The following SWAP70 variants were observed in gnomAD, a reference collection of about 807,000 sequenced individuals.
The protein encoded by SWAP70 is switching B cell complex subunit SWAP70.
Under a neutral mutation model 80.2 loss-of-function variants are expected in SWAP70, and 34 were observed. The ratio of observed to expected loss-of-function variants is 0.42; its 90% CI spans 0.32 to 0.56. The LOEUF (loss-of-function observed/expected upper bound fraction) is 0.56. SWAP70 is among the 20% of genes least tolerant of loss of function. The pLI is 0.09. For synonymous variants in SWAP70, 239 were observed against 238.5 expected (o/e 1.00, Z -0.02); for missense variants, 578 against 690.7 (o/e 0.84, Z 1.83).
At position 9,678,229 on chromosome 11, in the gene SWAP70, G is replaced by GA. The variant is rs1850524566; in HGVS notation, c.99+13952dup. ...AATCAATTTTTAAAATGGGGTTGGG[G>GA]ATCAGAGTCTTGAGTGAGCCTATTA... On this transcript the variant is annotated intron_variant, in intron 1 of 11. Coordinates refer to ENST00000318950, the MANE Select transcript of SWAP70 (RefSeq NM_015055.4). 2.0e-5 allele frequency among the ~76,000 whole-genome samples: 3 copies of GA among 152,290 alleles called. No homozygotes were observed. In the South Asian group the frequency reaches 6.2e-4, roughly 32 times the overall value.
chr11:9,665,828 A>C (rs1850300684), intron 1 of SWAP70, among the ~76,000 whole-genome samples: 1 of 151,922 alleles, frequency 6.6e-6, no homozygotes, highest in Non-Finnish European at 1.5e-5. Flanking sequence ...TCTACATTTT[A>C]CTTTTATTTT....
At chr11:9,686,403 A>G (rs1850633444) in intron 1 of SWAP70, among the ~76,000 whole-genome samples, 1 of 134,480 alleles carries the variant, frequency 7.4e-6, no homozygotes, top group African/African-American at 2.7e-5. Flanking sequence ...CTCAGTTGCC[A>G]GAGCTGGAGT....
At position 9,694,242 on chromosome 11, in the gene SWAP70, A is replaced by C; in HGVS notation, c.196A>C (p.Asn66His). 1 of 1,613,262 alleles carries C rather than the reference A, an allele frequency of 6.2e-7. No individual in the cohort carries two copies. Among genetic ancestry groups the C allele is most frequent in the Non-Finnish European group, 8.5e-7 (1 of 1,179,630 alleles). ...GGATGATGATGAGGGTCCAGTGTCCAACCAGGGCTACATGCCTTATTTAAA... is the reference window on the plus strand; with the variant it reads ...GGATGATGATGAGGGTCCAGTGTCCCACCAGGGCTACATGCCTTATTTAAA... The part of the protein sequence containing the change: ...FRDDDEGPVS[N>H]QGYMPYLNRF... The change falls in exon 2 of 12, where the codon AAC (asparagine) becomes CAC (histidine). Residue 66 changes from asparagine to histidine, a missense_variant. Asn to His is a moderately conservative substitution (Grantham distance 68, BLOSUM62 1). Coordinates refer to ENST00000318950, the MANE Select transcript of SWAP70 (RefSeq NM_015055.4).
intron 3 of SWAP70, among the ~76,000 whole-genome samples, chr11:9,722,589 G>A (rs1315836059): frequency 2.0e-5 from 3 of 152,162 alleles, no homozygotes; most frequent in Non-Finnish European, 4.4e-5. Context: ...CGACGTCACT[G>A]GTCCGCATGC....
rs750904847 is a variant in SWAP70, at chr11:9,747,924, C to T, written c.1422C>T (p.Ala474=). The T allele has an allele frequency of 2.5e-6, 4 of 1,614,040 alleles. No homozygotes were observed. The highest frequency in any genetic ancestry group is 1.3e-5 in the African/African-American group (1 of 74,912). Residue 474 remains alanine (A), a synonymous_variant, in exon 10 of 12, where the codon GCC becomes GCT. Transcript: ENST00000318950. ...LEKWHLEQQQ[A]IQTTEAEKQE... ...AGTGGCACTTGGAGCAGCAGCAGGC[C>T]ATTCAGACAACCGAGGCGGAGAAGC...
intron 1 of SWAP70, among the ~76,000 whole-genome samples, chr11:9,667,233 T>C (rs112103437): frequency 0.042 from 983 of 23,274 alleles, 14 homozygotes; most frequent in Admixed American, 0.068. Context: ...TTCACACTTC[T>C]GTGTGTGTGT....
chr11:9,682,550 G>T (rs1454983065), intron 1 of SWAP70, among the ~76,000 whole-genome samples: 2 of 152,086 alleles, frequency 1.3e-5, no homozygotes, highest in Non-Finnish European at 2.9e-5. Context: ...GAATAGAGAT[G>T]ACTTAAGGTT....
intron 3 of SWAP70, among the ~76,000 whole-genome samples, chr11:9,724,052 G>A (rs1234401818): frequency 6.6e-6 from 1 of 152,166 alleles, no homozygotes; most frequent in Non-Finnish European, 1.5e-5. Context: ...GGGATTATAG[G>A]CATGAGCCAC....
chr11:9,697,748 A>C (rs1194621555), intron 2 of SWAP70, among the ~76,000 whole-genome samples: 1 of 152,184 alleles, frequency 6.6e-6, no homozygotes, highest in Non-Finnish European at 1.5e-5. Flanking sequence ...ATGCACGCCT[A>C]TGTATATGTG....
rs1850481051 is a variant in SWAP70, at chr11:9,675,372, A to AGG, written c.99+11095_99+11096insGG. ...GAGAGAGAGAGAGAGAGAGAGAGAG[A>AGG]GAGAGAGAGAGAGAGAGAGAGAGAG... On this transcript the variant is annotated intron_variant, in intron 1 of 11. Coordinates refer to ENST00000318950, the MANE Select transcript of SWAP70 (RefSeq NM_015055.4). Among the ~76,000 whole-genome samples, 3 of 23,658 alleles carry AGG rather than the reference A, an allele frequency of 1.3e-4. 1 individual carries two copies. The highest frequency in any genetic ancestry group is 4.3e-4 in the Admixed American group (1 of 2,308). 15.5% of individuals were successfully genotyped at this position (23,658 alleles called of 152,430 possible). A position where few individuals can be genotyped will look rare whatever the true frequency, so the allele number is the denominator to read the frequency against.
intron 2 of SWAP70, among the ~76,000 whole-genome samples, chr11:9,709,248 C>T (rs1042463359): frequency 2.3e-4 from 35 of 152,140 alleles, no homozygotes; most frequent in African/African-American, 8.2e-4. Flanking sequence ...CCTCAGTCTC[C>T]CGAGTAGCTG....
intron 1 of SWAP70, among the ~76,000 whole-genome samples, chr11:9,675,989 C>T (rs1039269289): frequency 6.6e-6 from 1 of 152,158 alleles, no homozygotes; most frequent in Non-Finnish European, 1.5e-5. Context: ...GCTGAACTAA[C>T]CAGGAACACT....
chr11:9,740,049 G>A (rs1851415416), intron 8 of SWAP70, 132 bp from the exon 9 acceptor site: 1 of 713,286 alleles, frequency 1.4e-6, no homozygotes, highest in African/African-American at 1.8e-5. Context: ...TTAAGTTCAA[G>A]GATTGAAGGA....
chr11:9,732,812 G>T (rs1851317606), intron 7 of SWAP70, 102 bp downstream of exon 7: 2 of 1,105,266 alleles, frequency 1.8e-6, no homozygotes, highest in South Asian at 1.7e-5. Flanking sequence ...ATGTAGTGCA[G>T]TTTTAGGGAG....
intron 8 of SWAP70, among the ~76,000 whole-genome samples, 179 bp from the exon 9 acceptor site, chr11:9,740,002 A>G (rs891214823): frequency 6.6e-6 from 1 of 152,140 alleles, no homozygotes; most frequent in Non-Finnish European, 1.5e-5. Context: ...CTCTTTCACT[A>G]TTGCGATTGG....
intron 3 of SWAP70, among the ~76,000 whole-genome samples, chr11:9,716,509 T>G (rs1405040327): frequency 1.3e-5 from 2 of 152,228 alleles, no homozygotes; most frequent in African/African-American, 2.4e-5. Context: ...ACTCTCTCTG[T>G]TTGGGGTTCC....
chr11:9,708,302 A>T (rs1461564613), intron 2 of SWAP70, among the ~76,000 whole-genome samples: 1 of 152,046 alleles, frequency 6.6e-6, no homozygotes, highest in Non-Finnish European at 1.5e-5. Context: ...TAACAATAAC[A>T]CTTGTTATTT....
In SWAP70 at chr11:9,698,093, G is replaced by GTTTTTTT. The variant is rs201181416; in HGVS notation, c.240+3813_240+3814insTTTTTTT. On this transcript the variant is annotated intron_variant, in intron 2 of 11. Coordinates refer to ENST00000318950, the MANE Select transcript of SWAP70 (RefSeq NM_015055.4). ...GAGCCACCATGCCTGGCCAATACAT[G>GTTTTTTT]TTTTTTGTTTTTTTTTTTTTTTTTT... is the stretch of plus-strand genomic sequence containing the variant. Among the ~76,000 whole-genome samples, 8 of 109,580 alleles carry GTTTTTTT rather than the reference G, an allele frequency of 7.3e-5. 2 individuals are homozygous for GTTTTTTT. The highest frequency in any genetic ancestry group is 3.5e-4 in the South Asian group (1 of 2,898). The allele number at this position is 109,580 out of a possible 152,430, so 71.9% of individuals were successfully genotyped here. A position where few individuals can be genotyped will look rare whatever the true frequency, so the allele number is the denominator to read the frequency against.
In SWAP70 at chr11:9,703,329, A is replaced by G. The variant is rs185686561; in HGVS notation, c.240+9043A>G. 3.5e-5 allele frequency: 16 copies of G among 456,084 alleles called. No homozygotes were observed. The East Asian group carries it at 1.1e-3, about 32-fold the overall frequency. The allele number at this position is 456,084 out of a possible 1,614,324, so 28.3% of individuals were successfully genotyped here. A position where few individuals can be genotyped will look rare whatever the true frequency, so the allele number is the denominator to read the frequency against. On this transcript the variant is annotated intron_variant, in intron 2 of 11. Coordinates refer to ENST00000318950, the MANE Select transcript of SWAP70 (RefSeq NM_015055.4). ...CATGTTTTATTTACATATTCAGTTC[A>G]TCAGTTGTTGGACATGTGGGTTGTT...
Sources: gnomAD v4.1 joint callset for allele counts (sites outside exome capture counted in the v4.1 genomes callset) on GRCh38, gnomAD v4.1.1 for gene constraint, MANE v1.5 for transcripts, NCBI Gene and HGNC (gene_info 2026-07-23, HGNC 2026-07-21) for gene names.